Variants in SLC44A1 observed in about 807,000 individuals in gnomAD.
The protein encoded by SLC44A1 is solute carrier family 44 member 1, also known as choline transporter-like protein 1.
In SLC44A1, 26 loss-of-function variants were observed where a neutral mutation model predicts 79.3. That is an observed-to-expected ratio of 0.33 (90% CI 0.24 to 0.46). The LOEUF (loss-of-function observed/expected upper bound fraction) is 0.46. SLC44A1 is among the 20% of genes least tolerant of loss of function. The pLI is 1.00. For synonymous variants in SLC44A1, 263 were observed against 286.2 expected, an observed-to-expected ratio of 0.92 and a Z score of 0.82; for missense variants, 688 against 798.1, an observed-to-expected ratio of 0.86 and a Z score of 1.66.
At chr9:105,361,396 C>G in intron 8 of SLC44A1, 66 bp downstream of exon 8, 1 of 1,435,066 alleles carries the variant, frequency 7.0e-7, no homozygotes, top group Non-Finnish European at 9.5e-7. Context: ...ATTAATGGAG[C>G]AGAAACTCAA....
intron 1 of SLC44A1, among the ~76,000 whole-genome samples, chr9:105,297,704 A>G (rs545559308): frequency 1.4e-4 from 21 of 152,144 alleles, no homozygotes; most frequent in Non-Finnish European, 2.1e-4. Context: ...TTAAGAAAAG[A>G]ATCTGTAGTT....
Position 105,390,431 on chromosome 9 carries a change from A to C in SLC44A1, c.*1375A>C, listed in dbSNP as rs1316158628. 5 of 114,256 alleles carry C rather than the reference A, an allele frequency of 4.4e-5. No individual in the cohort carries two copies. Among genetic ancestry groups the C allele is most frequent in the Non-Finnish European group, 3.1e-5 (3 of 97,298 alleles). 7.1% of individuals were successfully genotyped at this position (114,256 alleles called of 1,614,324 possible). A position where few individuals can be genotyped will look rare whatever the true frequency, so the allele number is the denominator to read the frequency against. On this transcript the variant is annotated 3_prime_UTR_variant, in exon 16 of 16. Transcript: ENST00000374720. ...ATTGCACTAAATACAGGCTCTGTAC[A>C]AAAAAAAAAAAAAAAAAAAAGCCTC...
intron 2 of SLC44A1, among the ~76,000 whole-genome samples, chr9:105,308,810 T>C (rs1379759595): frequency 6.6e-6 from 1 of 152,250 alleles, no homozygotes; most frequent in Admixed American, 6.5e-5. Flanking sequence ...AGAATAGTTC[T>C]TAACCTCAGT....
chr9:105,345,306 G>T (rs966715585), intron 4 of SLC44A1, among the ~76,000 whole-genome samples: 5 of 152,184 alleles, frequency 3.3e-5, no homozygotes, highest in Admixed American at 1.3e-4. Context: ...ATAAAAAAAT[G>T]TAGGATAACT....
intron 1 of SLC44A1, among the ~76,000 whole-genome samples, chr9:105,260,902 GA>G (rs1319780629): frequency 6.6e-6 from 1 of 152,156 alleles, no homozygotes; most frequent in African/African-American, 2.4e-5. Context: ...TGAGGATAGG[GA>G]TGATGGGCCA....
At chr9:105,436,764 G>A (rs1362189256) in intron 15 of SLC44A1, among the ~76,000 whole-genome samples, 1 of 152,204 alleles carries the variant, frequency 6.6e-6, no homozygotes, top group South Asian at 2.1e-4. Flanking sequence ...CTGAGGCCGG[G>A]GGATCAGCAA....
At chr9:105,252,055 A>G (rs915113334) in intron 1 of SLC44A1, among the ~76,000 whole-genome samples, 1 of 152,220 alleles carries the variant, frequency 6.6e-6, no homozygotes, top group Admixed American at 6.5e-5. Flanking sequence ...TGATTTCATG[A>G]GAAATTTATT....
intron 3 of SLC44A1, among the ~76,000 whole-genome samples, chr9:105,319,853 T>C (rs1475315385): frequency 6.6e-6 from 1 of 152,210 alleles, no homozygotes; most frequent in Non-Finnish European, 1.5e-5. Flanking sequence ...AATTTAAAAA[T>C]ATTTCATTGT....
chr9:105,397,666 C>T (rs1003408279), downstream of SLC44A1, among the ~76,000 whole-genome samples: 2 of 152,070 alleles, frequency 1.3e-5, no homozygotes, highest in African/African-American at 2.4e-5. Flanking sequence ...TCCACTGGGC[C>T]GGGCGTGGTG....
chr9:105,375,899 CA>C (rs1828264483), intron 13 of SLC44A1, among the ~76,000 whole-genome samples: 1 of 151,932 alleles, frequency 6.6e-6, no homozygotes, highest in Non-Finnish European at 1.5e-5. Context: ...TAATTCTTCC[CA>C]TTTTTTTTTA....
chr9:105,255,521 A>G (rs1829684323), intron 1 of SLC44A1, among the ~76,000 whole-genome samples: 1 of 152,234 alleles, frequency 6.6e-6, no homozygotes, highest in African/African-American at 2.4e-5. Flanking sequence ...AATTTAAAAC[A>G]TCATATATTT....
At chr9:105,359,415 T>A (rs1827717016) in intron 7 of SLC44A1, among the ~76,000 whole-genome samples, 1 of 152,014 alleles carries the variant, frequency 6.6e-6, no homozygotes, top group African/African-American at 2.4e-5. Flanking sequence ...ATAAAAAATT[T>A]TAGAATTGAA....
chr9:105,326,901 A>G (rs1263624281), intron 3 of SLC44A1, among the ~76,000 whole-genome samples: 1 of 152,182 alleles, frequency 6.6e-6, no homozygotes, highest in Non-Finnish European at 1.5e-5. Flanking sequence ...GGTGTCTCCA[A>G]CTTAAATTCT....
At chr9:105,262,896 T>C (rs1564402445) in intron 1 of SLC44A1, among the ~76,000 whole-genome samples, 1 of 152,226 alleles carries the variant, frequency 6.6e-6, no homozygotes, top group African/African-American at 2.4e-5. Flanking sequence ...CAAAAATGTT[T>C]TAGGTAATTT....
chr9:105,391,127 A>G lies in SLC44A1; in HGVS notation c.*2071A>G, dbSNP rs1828753908. The stretch of plus-strand genomic sequence containing the variant: ...AACAGAAGACATTCCAGGAGCTAGC[A>G]ATTTTAAGAGGTGTCCCTCCAAAGT... On this transcript the variant is annotated 3_prime_UTR_variant, in exon 16 of 16. Coordinates refer to ENST00000374720, the MANE Select transcript of SLC44A1 (RefSeq NM_080546.5). 1 of 985,616 alleles carries G rather than the reference A, an allele frequency of 1.0e-6. No individual in the cohort carries two copies. Among genetic ancestry groups the G allele is most frequent in the Admixed American group, 6.2e-5 (1 of 16,256 alleles). The allele number at this position is 985,616 out of a possible 1,614,324, so 61.1% of individuals were successfully genotyped here.
rs1829382002 is a variant in SLC44A1, at chr9:105,244,749, G to A, written c.-120G>A. The A allele has an allele frequency of 2.2e-6, 1 of 463,298 alleles. No homozygotes were observed. The highest frequency in any genetic ancestry group is 3.2e-6 in the Non-Finnish European group (1 of 314,030). 28.7% of individuals were successfully genotyped at this position (463,298 alleles called of 1,614,324 possible). A position where few individuals can be genotyped will look rare whatever the true frequency, so the allele number is the denominator to read the frequency against. ...ACCAGCCGCCGCTGCAGCCGCCGCC[G>A]CCGCCTAGCCGTGCGGTGCCAGGCC... On this transcript the variant is annotated 5_prime_UTR_variant, in exon 1 of 16. Coordinates refer to ENST00000374720, the MANE Select transcript of SLC44A1 (RefSeq NM_080546.5).
At chr9:105,255,854 T>G (rs1484731127) in intron 1 of SLC44A1, among the ~76,000 whole-genome samples, 2 of 152,194 alleles carry the variant, frequency 1.3e-5, no homozygotes, top group African/African-American at 4.8e-5. Flanking sequence ...ATAATAAAAC[T>G]TGCCTCAGAT....
intron 15 of SLC44A1, among the ~76,000 whole-genome samples, chr9:105,424,117 C>T (rs914585312): frequency 6.6e-6 from 1 of 152,124 alleles, no homozygotes; most frequent in Non-Finnish European, 1.5e-5. Flanking sequence ...TGATTAGATG[C>T]AATCAGTACA....
intron 15 of SLC44A1, among the ~76,000 whole-genome samples, chr9:105,419,415 T>C (rs1406850655): frequency 6.6e-6 from 1 of 152,208 alleles, no homozygotes; most frequent in African/African-American, 2.4e-5. Flanking sequence ...TTTCAAGACA[T>C]ACACAAGACA....
Sources: allele counts gnomAD v4.1 joint callset (sites outside exome capture counted in the v4.1 genomes callset), GRCh38; gene constraint gnomAD v4.1.1; transcripts MANE v1.5; gene names NCBI Gene and HGNC (gene_info 2026-07-23, HGNC 2026-07-21).